The following AKAP11 variants were observed in gnomAD, a reference collection of about 807,000 sequenced individuals.
AKAP11 encodes A-kinase anchor protein 11.
Under a neutral mutation model 146.1 loss-of-function variants are expected in AKAP11, and 36 were observed. The observed-to-expected ratio is 0.25, with a 90% CI of 0.19 to 0.33. AKAP11 has a LOEUF of 0.33. Among genes scored for constraint, AKAP11 ranks in the 10% least tolerant of loss-of-function variants. AKAP11 has a pLI of 1.00. For missense variants in AKAP11, 2,201 were observed against 2,197.0 expected, an observed-to-expected ratio of 1.00 and a Z score of -0.04; for synonymous variants, 780 against 786.5, an observed-to-expected ratio of 0.99 and a Z score of 0.14.
intron 1 of AKAP11, among the ~76,000 whole-genome samples, chr13:42,281,380 C>T (rs1417761087): frequency 1.3e-5 from 2 of 152,044 alleles, no homozygotes; most frequent in Non-Finnish European, 2.9e-5. Context: ...TAGAAATAAG[C>T]TGATGTGTAC....
In AKAP11 at chr13:42,300,611, A is replaced by C. The variant is rs377262755; in HGVS notation, c.1865A>C (p.Glu622Ala). The change falls in exon 8 of 13, where the codon GAA (glutamate) becomes GCA (alanine). Residue 622 changes from glutamate (E) to alanine (A), a missense_variant. By Grantham distance (107) the Glu-to-Ala change is moderately radical. This residue lies in a region of AKAP11 where 1,867 missense variants were observed against 1,833.5 expected (regional missense o/e 1.02). Transcript: ENST00000025301. Reference protein sequence around the residue: ...ISGLANFLVSEALSNALKDLQ... With the variant: ...ISGLANFLVSAALSNALKDLQ... ...GGCCTGGCTAACTTTTTGGTGAGTGAAGCTTTATCAAATGCCTTAAAAGAT... is the reference window on the plus strand; with the variant it reads ...GGCCTGGCTAACTTTTTGGTGAGTGCAGCTTTATCAAATGCCTTAAAAGAT... 1 of 1,614,060 alleles carries C rather than the reference A, an allele frequency of 6.2e-7. No individual in the cohort carries two copies. The highest frequency in any genetic ancestry group is 8.5e-7 in the Non-Finnish European group (1 of 1,179,944).
rs771764292 is a variant in AKAP11 at position 42,286,309 on chromosome 13, G to A, written c.-40G>A. On this transcript the variant is annotated 5_prime_UTR_variant, in exon 3 of 13. Transcript: ENST00000025301. ...AATATGTTTTCTTTAGGTGTTTTGT[G>A]GATTAACTCTTCATTGATTATATAC... is the stretch of plus-strand genomic sequence containing the variant. 1 of 1,402,520 alleles carries A rather than the reference G, an allele frequency of 7.1e-7. No individual in the cohort carries two copies. Among genetic ancestry groups the A allele is most frequent in the South Asian group, 1.3e-5 (1 of 74,096 alleles). The allele number at this position is 1,402,520 out of a possible 1,614,324, so 86.9% of individuals were successfully genotyped here. A position where few individuals can be genotyped will look rare whatever the true frequency, so the allele number is the denominator to read the frequency against.
In AKAP11 at chr13:42,299,447, A is replaced by T. The variant is rs1959717437; in HGVS notation, c.701A>T (p.Lys234Met). The change falls in exon 8 of 13, where the codon AAG (lysine) becomes ATG (methionine). Residue 234 changes from lysine (K) to methionine (M), a missense_variant. Lys to Met is a moderately conservative substitution (Grantham distance 95). Transcript: ENST00000025301. ...CATCATTTAGAAACCCATGATTTAA[A>T]GATTCTCATTAGCTCTGGACAGCAG... ...TGHHLETHDL[K>M]ILISSGQQKS... 6.2e-7 allele frequency: 1 copy of T among 1,613,906 alleles called. No homozygotes were observed. Among genetic ancestry groups the T allele is most frequent in the Non-Finnish European group, 8.5e-7 (1 of 1,179,836 alleles).
Position 42,301,947 on chromosome 13 carries a change from T to G in AKAP11, c.3201T>G (p.Pro1067=). 1 of 1,614,162 alleles carries G rather than the reference T, an allele frequency of 6.2e-7. No homozygotes were observed. Among genetic ancestry groups the G allele is most frequent in the Non-Finnish European group, 8.5e-7 (1 of 1,180,000 alleles). ...ALSFGQENPF[P]HSHTFSSTAL... The stretch of plus-strand genomic sequence containing the variant: ...CTTTTGGACAGGAAAACCCCTTTCC[T>G]CATTCACATACTTTCTCATCTACAG... Residue 1067 remains proline, a synonymous_variant, in exon 8 of 13, where the codon CCT becomes CCG. Transcript: ENST00000025301.
At chr13:42,291,515 G>A (rs1959214259) in intron 3 of AKAP11, among the ~76,000 whole-genome samples, 1 of 152,148 alleles carries the variant, frequency 6.6e-6, no homozygotes, top group African/African-American at 2.4e-5. Context: ...CCAAAGTGCT[G>A]GGATTACACA....
At chr13:42,318,800 T>A (rs1960949993) in intron 12 of AKAP11, among the ~76,000 whole-genome samples, 1 of 152,198 alleles carries the variant, frequency 6.6e-6, no homozygotes, top group Non-Finnish European at 1.5e-5. Flanking sequence ...ACTCAGCCTC[T>A]GCATGTCCAT....
At chr13:42,311,139 A>G (rs372391510) in intron 9 of AKAP11, among the ~76,000 whole-genome samples, 34 of 152,202 alleles carry the variant, frequency 2.2e-4, no homozygotes, top group African/African-American at 8.0e-4. Flanking sequence ...TATAAGATGT[A>G]TCACAATCAA....
At position 42,298,526 on chromosome 13, in the gene AKAP11, T is replaced by C; in HGVS notation, c.352-7T>C. ...AATTGTTTTTATTATCTTTTATCTTTCCCAAGAGTCATCCTTCTGGAATGC... is the reference window on the plus strand; with the variant it reads ...AATTGTTTTTATTATCTTTTATCTTCCCCAAGAGTCATCCTTCTGGAATGC... On this transcript the variant is annotated splice_region_variant and splice_polypyrimidine_tract_variant and intron_variant, in intron 6 of 12. Transcript: ENST00000025301. 1 of 1,607,052 alleles carries C rather than the reference T, an allele frequency of 6.2e-7. No individual in the cohort carries two copies. Among genetic ancestry groups the C allele is most frequent in the Non-Finnish European group, 8.5e-7 (1 of 1,177,816 alleles).
rs1555295199 is a variant in AKAP11 at position 42,319,906 on chromosome 13, G to GGGGTGTGTGTGTGTGTGT, written c.*679_*680insGGTGTGTGTGTGTGTGTG. The GGGGTGTGTGTGTGTGTGT allele has an allele frequency of 1.5e-5, 2 of 132,662 alleles. 1 individual carries two copies. Among genetic ancestry groups the GGGGTGTGTGTGTGTGTGT allele is most frequent in the Non-Finnish European group, 3.2e-5 (2 of 62,144 alleles). The allele number at this position is 132,662 out of a possible 1,614,324, so 8.2% of individuals were successfully genotyped here. On this transcript the variant is annotated 3_prime_UTR_variant, in exon 13 of 13. Coordinates refer to ENST00000025301, the MANE Select transcript of AKAP11 (RefSeq NM_016248.4). ...TGCTGCCAGTCATTCTGGCATGAAA[G>GGGGTGTGTGTGTGTGTGT]GTGTGTGTGTGTGTGTGTGTGTGTG... is the stretch of plus-strand genomic sequence containing the variant.
chr13:42,300,462 A>T lies in AKAP11; in HGVS notation c.1716A>T (p.Gly572=), dbSNP rs753144010. ...GTGCATTTAAAGACTTACAGAAAGG[A>T]GTCTCTTCATGTACCAATGCTTTGT... The part of the protein sequence containing the change: ...FGSAFKDLQK[G]VSSCTNALYH... The change falls in exon 8 of 13, where the codon GGA becomes GGT. Residue 572 remains glycine, a synonymous_variant. Coordinates refer to ENST00000025301, the MANE Select transcript of AKAP11 (RefSeq NM_016248.4). The T allele has an allele frequency of 6.2e-7, 1 of 1,614,002 alleles. No individual in the cohort carries two copies. Among genetic ancestry groups the T allele is most frequent in the East Asian group, 2.2e-5 (1 of 44,894 alleles).
intron 8 of AKAP11, among the ~76,000 whole-genome samples, chr13:42,305,529 TAA>T (rs1960208664): frequency 6.6e-6 from 1 of 152,202 alleles, no homozygotes; most frequent in South Asian, 2.1e-4. Context: ...TGTTTTTTTT[TAA>T]TGGTTGAAAA....
chr13:42,280,891 CTG>C (rs1292385898), intron 1 of AKAP11, among the ~76,000 whole-genome samples: 1 of 152,164 alleles, frequency 6.6e-6, no homozygotes, highest in Non-Finnish European at 1.5e-5. Flanking sequence ...GCGAGGTAGT[CTG>C]TAGGAATTGA....
At chr13:42,272,583 G>A (rs538394585) in intron 1 of AKAP11, among the ~76,000 whole-genome samples, 109 of 152,268 alleles carry the variant, frequency 7.2e-4, no homozygotes, top group Non-Finnish European at 1.3e-3. Flanking sequence ...ACGGCCCCCC[G>A]GGTGCGTGGT....
At chr13:42,311,006 A>G (rs116288629) in intron 9 of AKAP11, among the ~76,000 whole-genome samples, 1,614 of 136,762 alleles carry the variant, frequency 0.012, 23 homozygotes, top group African/African-American at 0.041. Context: ...TTTGATCAGA[A>G]AAGAACTGGT....
intron 8 of AKAP11, among the ~76,000 whole-genome samples, chr13:42,307,667 G>C (rs1960335494): frequency 6.6e-6 from 1 of 151,976 alleles, no homozygotes; most frequent in Non-Finnish European, 1.5e-5. Flanking sequence ...AGTGGGAGGA[G>C]TGGGCCAGGG....
intron 1 of AKAP11, among the ~76,000 whole-genome samples, chr13:42,282,226 C>G (rs1959077406): frequency 6.6e-6 from 1 of 150,750 alleles, no homozygotes; most frequent in Admixed American, 6.6e-5. Context: ...GCCTTGGCCT[C>G]CCAAAGTGCT....
Position 42,313,071 on chromosome 13 carries a change from C to T in AKAP11, c.5298C>T (p.Ser1766=), listed in dbSNP as rs144078627. 89 of 1,613,184 alleles carry T rather than the reference C, an allele frequency of 5.5e-5. No individual in the cohort carries two copies. Among genetic ancestry groups the T allele is most frequent in the Admixed American group, 8.4e-5 (5 of 59,812 alleles). Residue 1766 remains serine (S), a synonymous_variant, in exon 10 of 13, where the codon AGC becomes AGT. Coordinates refer to ENST00000025301, the MANE Select transcript of AKAP11 (RefSeq NM_016248.4). Reference sequence around the variant, plus strand: ...GTAATGGTAACAGCAGTAGCTGGAGCAGTCTTGGTTTAGAAGGAGATTTGT... The same window carrying T: ...GTAATGGTAACAGCAGTAGCTGGAGTAGTCTTGGTTTAGAAGGAGATTTGT... The part of the protein sequence containing the change: ...SESNGNSSSW[S]SLGLEGDLYE...
chr13:42,285,537 A>G (rs1785277078), intron 1 of AKAP11, among the ~76,000 whole-genome samples: 1 of 152,230 alleles, frequency 6.6e-6, no homozygotes, highest in African/African-American at 2.4e-5. Context: ...TCTTGTATCC[A>G]TAGCATCTAG....
At chr13:42,310,907 A>G (rs1423376264) in intron 9 of AKAP11, among the ~76,000 whole-genome samples, 1 of 152,046 alleles carries the variant, frequency 6.6e-6, no homozygotes, top group Admixed American at 6.6e-5. Flanking sequence ...TGCCAGTTTC[A>G]TTATAAGCAG....
Sources: gnomAD v4.1 joint callset for allele counts (sites outside exome capture counted in the v4.1 genomes callset) on GRCh38, gnomAD v4.1.1 for gene constraint, gnomAD v4.1.1 regional missense constraint, MANE v1.5 for transcripts, NCBI Gene and HGNC (gene_info 2026-07-23, HGNC 2026-07-21) for gene names.